The following FAM81B variants were observed in gnomAD, a reference collection of about 807,000 sequenced individuals.
The protein encoded by FAM81B is family with sequence similarity 81 member B.
In FAM81B, 60 loss-of-function variants were observed where a neutral mutation model predicts 58.7. The observed-to-expected ratio is 1.02, with a 90% CI of 0.83 to 1.27. The LOEUF (loss-of-function observed/expected upper bound fraction) is 1.27, where lower values mean the gene tolerates loss of function less well. Ranked by LOEUF, FAM81B falls within the 50% of genes most tolerant of loss-of-function variation. FAM81B has a pLI of 0.00. For missense variants in FAM81B, 491 were observed against 522.0 expected, an observed-to-expected ratio of 0.94 and a Z score of 0.58; for synonymous variants, 189 against 179.6, an observed-to-expected ratio of 1.05 and a Z score of -0.42.
At chr5:95,392,374 A>G (rs33892) in intron 1 of FAM81B, among the ~76,000 whole-genome samples, 117,634 of 151,964 alleles carry the variant, frequency 0.77, 45,690 homozygotes, top group East Asian at 0.85. Context: ...CTAGAGGAGG[A>G]ATAGTATTAG....
At chr5:95,401,798 A>G (rs1762121361) in intron 3 of FAM81B, among the ~76,000 whole-genome samples, 1 of 152,258 alleles carries the variant, frequency 6.6e-6, no homozygotes, top group South Asian at 2.1e-4. Flanking sequence ...AGAACAGAAC[A>G]GGCAGGGAAG....
chr5:95,444,031 ATTTACTGGCCCCC>A (rs925196409), intron 7 of FAM81B, among the ~76,000 whole-genome samples: 6 of 152,152 alleles, frequency 3.9e-5, no homozygotes, highest in Non-Finnish European at 7.4e-5. Context: ...TTATCTGGGG[ATTTACTGGCCCCC>A]TTAACTATGA....
chr5:95,392,958 T>C (rs1761868245), intron 2 of FAM81B, 61 bp downstream of exon 2: 1 of 1,357,746 alleles, frequency 7.4e-7, no homozygotes, highest in Non-Finnish European at 1.0e-6. Context: ...CTTTAAAGTT[T>C]AGAGTGCTTA....
At chr5:95,437,885 A>G (rs1328372892) in intron 7 of FAM81B, among the ~76,000 whole-genome samples, 1 of 151,554 alleles carries the variant, frequency 6.6e-6, no homozygotes, top group Non-Finnish European at 1.5e-5. Context: ...TTTTTACTCT[A>G]TGTCTCACAA....
At chr5:95,395,760 T>C (rs775073919) in intron 2 of FAM81B, among the ~76,000 whole-genome samples, 12 of 152,238 alleles carry the variant, frequency 7.9e-5, no homozygotes, top group Non-Finnish European at 1.6e-4. Context: ...GAAATCAGCA[T>C]GTCAGGAATC....
rs1761831253 is a variant in FAM81B, at chr5:95,391,941, AGGTGAT to A, written c.124+429_124+434del. ...TAGTTCAACCATGTGGAAGACAGTG[AGGTGAT>A]TCCTCAAGGATCTAGAACTAGAAAT... On this transcript the variant is annotated intron_variant, in intron 1 of 9. Transcript: ENST00000283357. Among the ~76,000 whole-genome samples, 4 of 152,278 alleles carry A rather than the reference AGGTGAT, an allele frequency of 2.6e-5. No individual in the cohort carries two copies. The South Asian group carries it at 8.3e-4, about 32-fold the overall frequency.
chr5:95,431,105 A>T (rs1299606678), intron 6 of FAM81B, among the ~76,000 whole-genome samples: 2 of 152,102 alleles, frequency 1.3e-5, no homozygotes, highest in Non-Finnish European at 2.9e-5. Context: ...TCTATGACAC[A>T]AATTGCAAAT....
intron 3 of FAM81B, among the ~76,000 whole-genome samples, chr5:95,398,451 T>TAAATAAATAAAAC (rs1554042469): frequency 6.6e-6 from 1 of 151,260 alleles, no homozygotes; most frequent in African/African-American, 2.4e-5. Flanking sequence ...AATAAATAAA[T>TAAATAAATAAAAC]AAAAAACTTC....
chr5:95,418,385 A>G (rs1762589947), intron 4 of FAM81B, among the ~76,000 whole-genome samples: 1 of 152,150 alleles, frequency 6.6e-6, no homozygotes, highest in Non-Finnish European at 1.5e-5. Context: ...GAAGTTCTTG[A>G]CTTAATAAGG....
chr5:95,439,166 T>C (rs1745216752), intron 7 of FAM81B, among the ~76,000 whole-genome samples: 1 of 149,314 alleles, frequency 6.7e-6, no homozygotes, highest in South Asian at 2.1e-4. Flanking sequence ...AAAAGTATTA[T>C]GTGTATATCC....
chr5:95,420,066 A>T (rs1762636588), intron 4 of FAM81B, among the ~76,000 whole-genome samples: 1 of 150,586 alleles, frequency 6.6e-6, no homozygotes, highest in Non-Finnish European at 1.5e-5. Flanking sequence ...CTATTGAGAC[A>T]TCTTCCCCAC....
rs1745121823 is a variant in FAM81B, at chr5:95,436,867, A to C, written c.854A>C (p.Gln285Pro). Residue 285 changes from glutamine to proline, a missense_variant, in exon 7 of 10, where the codon CAG becomes CCG. Coordinates refer to ENST00000283357, the MANE Select transcript of FAM81B (RefSeq NM_152548.3). ...SEQTSNLKMV[Q>P]GDYRHEMNLL... ...CAAACCTCGAATTTAAAGATGGTCC[A>C]GGGGGATTATCGCCACGAAATGAAC... 6.2e-7 allele frequency: 1 copy of C among 1,613,724 alleles called. No individual in the cohort carries two copies.
At chr5:95,425,039 C>G (rs1449021678) in intron 5 of FAM81B, among the ~76,000 whole-genome samples, 1 of 151,580 alleles carries the variant, frequency 6.6e-6, no homozygotes, top group Non-Finnish European at 1.5e-5. Flanking sequence ...CATGAGTAAA[C>G]CACACCAAAT....
At chr5:95,428,849 G>A in intron 6 of FAM81B, 117 bp downstream of exon 6, 1 of 1,408,720 alleles carries the variant, frequency 7.1e-7, no homozygotes, top group Non-Finnish European at 9.8e-7. Flanking sequence ...TTCTTCCAAA[G>A]GGTGTAATTC....
chr5:95,410,316 G>T (rs1762374482), intron 3 of FAM81B, among the ~76,000 whole-genome samples: 2 of 152,128 alleles, frequency 1.3e-5, no homozygotes. Context: ...TCAGTCAGCT[G>T]CTCTACCTCT....
intron 3 of FAM81B, among the ~76,000 whole-genome samples, chr5:95,410,979 A>T (rs1176966100): frequency 6.6e-6 from 1 of 152,234 alleles, no homozygotes. Context: ...AGCCCCTTCT[A>T]CTGGGTCACA....
Position 95,428,674 on chromosome 5 carries a change from A to T in FAM81B, c.728A>T (p.Lys243Ile), listed in dbSNP as rs754883002. The stretch of plus-strand genomic sequence containing the variant: ...AGGCAAGAGCACCGGCAAATTGAGA[A>T]AGCCATTCAAGAATTCGTGCCCGCC... The part of the protein sequence containing the change: ...LFRQEHRQIE[K>I]AIQEFVPALE... The change falls in exon 6 of 10, where the codon AAA (lysine) becomes ATA (isoleucine). Residue 243 changes from lysine (K) to isoleucine (I), a missense_variant. Transcript: ENST00000283357. 2 of 1,613,944 alleles carry T rather than the reference A, an allele frequency of 1.2e-6. No homozygotes were observed.
At chr5:95,446,506 A>G in intron 7 of FAM81B, 56 bp from the exon 8 acceptor site, 5 of 1,449,696 alleles carry the variant, frequency 3.4e-6, no homozygotes, top group Non-Finnish European at 3.7e-6. Context: ...TTTCAATACT[A>G]ATTTTTTATG....
chr5:95,444,090 G>A (rs775793030), intron 7 of FAM81B, among the ~76,000 whole-genome samples: 3 of 152,090 alleles, frequency 2.0e-5, no homozygotes, highest in Non-Finnish European at 2.9e-5. Flanking sequence ...ACAGGGAAAG[G>A]AAGATGAAAA....
Sources: allele counts gnomAD v4.1 joint callset (sites outside exome capture counted in the v4.1 genomes callset), GRCh38; gene constraint gnomAD v4.1.1; transcripts MANE v1.5; gene names NCBI Gene and HGNC (gene_info 2026-07-23, HGNC 2026-07-21).